The following ARHGAP39 variants were observed in gnomAD, a reference collection of about 807,000 sequenced individuals.
ARHGAP39 encodes rho GTPase-activating protein 39.
Under a neutral mutation model 106.9 loss-of-function variants are expected in ARHGAP39, and 44 were observed. The ratio of observed to expected loss-of-function variants is 0.41; its 90% confidence interval spans 0.32 to 0.53. The LOEUF (loss-of-function observed/expected upper bound fraction) is 0.53, where lower values mean the gene tolerates loss of function less well. Among genes scored for constraint, ARHGAP39 ranks in the 20% least tolerant of loss-of-function variants. The pLI, the probability that ARHGAP39 is intolerant of heterozygous loss-of-function variation, is 0.21. For missense variants in ARHGAP39, 1,496 were observed against 1,577.3 expected, an observed-to-expected ratio of 0.95 and a Z score of 0.87; for synonymous variants, 768 against 693.2, an observed-to-expected ratio of 1.11 and a Z score of -1.69.
intron 1 of ARHGAP39, among the ~76,000 whole-genome samples, chr8:144,649,663 G>A (rs1051317767): frequency 1.4e-4 from 21 of 151,514 alleles, no homozygotes; most frequent in South Asian, 1.0e-3. Context: ...CTAGCTACTC[G>A]GGAGGCTGAA....
chr8:144,662,437 C>A (rs866741106), intron 1 of ARHGAP39, among the ~76,000 whole-genome samples: 9 of 146,392 alleles, frequency 6.1e-5, no homozygotes, highest in African/African-American at 2.3e-4. Flanking sequence ...CACCTTGGGC[C>A]GCTACCCGCC....
In ARHGAP39 at chr8:144,545,748, G is replaced by A. The variant is rs776816148; in HGVS notation, c.2022C>T (p.Pro674=). 3 of 1,609,956 alleles carry A rather than the reference G, an allele frequency of 1.9e-6. No homozygotes were observed. The highest frequency in any genetic ancestry group is 2.2e-5 in the South Asian group (2 of 91,018). ...ESSRQSRSGV[P]SSSCVFPTFT... is the part of the protein sequence containing the mutation. ...AAGTGGGGAAGACGCAGCTGGAGCT[G>A]GGAACGCCGCTGCGGCTCTGCCGGC... Residue 674 remains proline, a synonymous_variant, in exon 6 of 12, where the codon CCC becomes CCT. Coordinates refer to ENST00000377307, the MANE Select transcript of ARHGAP39 (RefSeq NM_025251.3).
chr8:144,537,730 C>G lies in ARHGAP39; in HGVS notation c.2605G>C (p.Glu869Gln). ...CGGGGAGAGGCCCTACCATCCGGCT[C>G]TTCAACATAAGGCTTGGGTTTCTTT... ...LRKKPKPYVEEPDGVAISTYA... is the reference protein window; with the variant it reads ...LRKKPKPYVEQPDGVAISTYA... The change falls in exon 7 of 12, where the codon GAG becomes CAG. Residue 869 changes from glutamate to glutamine, a missense_variant. Glu to Gln is a conservative substitution (Grantham distance 29). This residue lies in a region of ARHGAP39 where 470 missense variants were observed against 605.1 expected (regional missense o/e 0.78). Coordinates refer to ENST00000377307, the MANE Select transcript of ARHGAP39 (RefSeq NM_025251.3). The G allele has an allele frequency of 6.2e-7, 1 of 1,614,092 alleles. No individual in the cohort carries two copies. The highest frequency in any genetic ancestry group is 1.1e-5 in the South Asian group (1 of 91,084).
intron 2 of ARHGAP39, among the ~76,000 whole-genome samples, chr8:144,597,740 G>A (rs1286035138): frequency 6.6e-6 from 1 of 152,214 alleles, no homozygotes; most frequent in African/African-American, 2.4e-5. Flanking sequence ...AGTTAGGAAA[G>A]GGCTTCCTGA....
At chr8:144,549,669 T>C (rs1030336601) in intron 4 of ARHGAP39, among the ~76,000 whole-genome samples, 1 of 152,092 alleles carries the variant, frequency 6.6e-6, no homozygotes, top group African/African-American at 2.4e-5. Flanking sequence ...ATTTTTGTAT[T>C]TTTACTAGAG....
intron 2 of ARHGAP39, among the ~76,000 whole-genome samples, chr8:144,587,685 C>T (rs1461193988): frequency 6.1e-5 from 9 of 148,588 alleles, no homozygotes; most frequent in South Asian, 2.1e-4. Flanking sequence ...GACGGAGTCT[C>T]GCTCCGTCAT....
chr8:144,553,241 A>T (rs2066867709), intron 4 of ARHGAP39, among the ~76,000 whole-genome samples: 1 of 152,202 alleles, frequency 6.6e-6, no homozygotes, highest in African/African-American at 2.4e-5. Flanking sequence ...AATTGTGCCC[A>T]GCTTGCCGTG....
chr8:144,576,254 A>G (rs942374591), intron 3 of ARHGAP39, among the ~76,000 whole-genome samples: 27 of 147,886 alleles, frequency 1.8e-4, no homozygotes, highest in Non-Finnish European at 1.5e-5. Flanking sequence ...AATTGCTTGA[A>G]CCTGGGAGGC....
At chr8:144,568,980 C>T (rs1201419002) in intron 3 of ARHGAP39, among the ~76,000 whole-genome samples, 2 of 152,178 alleles carry the variant, frequency 1.3e-5, no homozygotes, top group Non-Finnish European at 2.9e-5. Context: ...AATCATCACA[C>T]TGTGTTAATG....
At chr8:144,589,081 G>A (rs897101602) in intron 2 of ARHGAP39, among the ~76,000 whole-genome samples, 5 of 152,140 alleles carry the variant, frequency 3.3e-5, no homozygotes, top group South Asian at 4.1e-4. Context: ...AACAATTCCC[G>A]GCAGGGGCTC....
intron 2 of ARHGAP39, among the ~76,000 whole-genome samples, chr8:144,600,919 T>C (rs930351393): frequency 1.5e-4 from 22 of 143,234 alleles, no homozygotes; most frequent in African/African-American, 5.6e-4. Context: ...TGCAAGCTCA[T>C]GTACCTGTGT....
chr8:144,561,780 T>C (rs865939102), intron 3 of ARHGAP39, among the ~76,000 whole-genome samples: 5 of 141,376 alleles, frequency 3.5e-5, no homozygotes, highest in African/African-American at 1.2e-4. Flanking sequence ...TCGGACTTAC[T>C]CCAGTGGTTT....
chr8:144,581,048 C>T lies in ARHGAP39; in HGVS notation c.310G>A (p.Ala104Thr). 1 of 1,583,722 alleles carries T rather than the reference C, an allele frequency of 6.3e-7. No homozygotes were observed. Among genetic ancestry groups the T allele is most frequent in the Non-Finnish European group, 8.6e-7 (1 of 1,165,372 alleles). The change falls in exon 3 of 12, where the codon GCC becomes ACC. Residue 104 changes from alanine (A) to threonine (T), a missense_variant. This residue lies in a region of ARHGAP39 where 905 missense variants were observed against 816.4 expected (regional missense o/e 1.11). Transcript: ENST00000377307. ...RPQGCDIIPL[A>T]KLQTLKQNTE... ...TTCTGCTTCAGCGTCTGCAGCTTGGCCAGCGGGATGATGTCGCAGCCCTGC... is the reference window on the plus strand; with the variant it reads ...TTCTGCTTCAGCGTCTGCAGCTTGGTCAGCGGGATGATGTCGCAGCCCTGC...
intron 3 of ARHGAP39, among the ~76,000 whole-genome samples, chr8:144,561,608 TCCA>T (rs1564848601): frequency 1.3e-5 from 1 of 74,836 alleles, no homozygotes; most frequent in East Asian, 3.3e-4. Flanking sequence ...TCCATCGCGC[TCCA>T]GTGGTTTCCA....
chr8:144,664,012 C>T (rs1821899502), intron 1 of ARHGAP39, among the ~76,000 whole-genome samples: 1 of 152,130 alleles, frequency 6.6e-6, no homozygotes, highest in South Asian at 2.1e-4. Context: ...ACGAAAAATA[C>T]AACAATTAGC....
chr8:144,633,313 G>T (rs1250860031), intron 1 of ARHGAP39, among the ~76,000 whole-genome samples: 1 of 152,138 alleles, frequency 6.6e-6, no homozygotes, highest in Non-Finnish European at 1.5e-5. Flanking sequence ...AGAAAAATTA[G>T]CTGGGTGTGG....
At position 144,581,073 on chromosome 8, in the gene ARHGAP39, C is replaced by T; in HGVS notation, c.285G>A (p.Pro95=). 2.5e-6 allele frequency: 4 copies of T among 1,587,736 alleles called. No homozygotes were observed. The highest frequency in any genetic ancestry group is 3.4e-6 in the Non-Finnish European group (4 of 1,167,856). ...CCAGCGGGATGATGTCGCAGCCCTG[C>T]GGCCGGTGCCACACCGTGCGCTGCG... ...ASTQRTVWHR[P]QGCDIIPLAK... is the part of the protein sequence containing the mutation. The change falls in exon 3 of 12, where the codon CCG becomes CCA. Residue 95 remains proline, a synonymous_variant. Coordinates refer to ENST00000377307, the MANE Select transcript of ARHGAP39 (RefSeq NM_025251.3).
chr8:144,595,211 C>T (rs1028585220), intron 2 of ARHGAP39, among the ~76,000 whole-genome samples: 2 of 152,096 alleles, frequency 1.3e-5, no homozygotes, highest in Admixed American at 6.5e-5. Flanking sequence ...TCAACTGATG[C>T]ATGAAGAAGC....
chr8:144,620,606 CGTGT>C (rs1481637784), intron 1 of ARHGAP39, among the ~76,000 whole-genome samples: 3 of 150,218 alleles, frequency 2.0e-5, no homozygotes, highest in East Asian at 3.9e-4. Flanking sequence ...CGTGTGAGTA[CGTGT>C]GTGTGAGTGC....
Sources: gnomAD v4.1 joint callset for allele counts (sites outside exome capture counted in the v4.1 genomes callset) on GRCh38, gnomAD v4.1.1 for gene constraint, gnomAD v4.1.1 regional missense constraint, MANE v1.5 for transcripts, NCBI Gene and HGNC (gene_info 2026-07-23, HGNC 2026-07-21) for gene names.